SEMA6D: variants seen among roughly 807,000 people sequenced by gnomAD.
SEMA6D encodes semaphorin 6D.
In SEMA6D, 35 loss-of-function variants were observed where a neutral mutation model predicts 106.6. That is an observed-to-expected ratio of 0.33 (90% CI 0.25 to 0.44). The LOEUF (loss-of-function observed/expected upper bound fraction) is 0.44. Among genes scored for constraint, SEMA6D ranks in the 20% least tolerant of loss-of-function variants. SEMA6D has a pLI of 1.00. For missense variants in SEMA6D, 1,185 were observed against 1,345.9 expected (o/e 0.88, Z 1.87); for synonymous variants, 499 against 487.7 (o/e 1.02, Z -0.31).
chr15:47,558,447 T>C (rs1324959039), intron 3 of SEMA6D, among the ~76,000 whole-genome samples: 1 of 152,028 alleles, frequency 6.6e-6, no homozygotes. Flanking sequence ...AAGTGTAGGA[T>C]ACACTGCAAG....
At chr15:47,431,398 T>C (rs1180665769) in intron 2 of SEMA6D, among the ~76,000 whole-genome samples, 1 of 152,152 alleles carries the variant, frequency 6.6e-6, no homozygotes, top group Non-Finnish European at 1.5e-5. Flanking sequence ...TTTCAAACAT[T>C]ACCTGGAGAC....
chr15:47,450,701 G>A (rs1409855301), intron 2 of SEMA6D, among the ~76,000 whole-genome samples: 1 of 152,164 alleles, frequency 6.6e-6, no homozygotes, highest in African/African-American at 2.4e-5. Flanking sequence ...AAGGGAAGGT[G>A]GGAATAGGAC....
chr15:47,443,973 G>A (rs911995800), intron 2 of SEMA6D, among the ~76,000 whole-genome samples: 1 of 152,104 alleles, frequency 6.6e-6, no homozygotes, highest in African/African-American at 2.4e-5. Flanking sequence ...ACAAATTGAT[G>A]ATTTAGAAGA....
At chr15:47,512,655 CA>C (rs1335175381) in intron 3 of SEMA6D, among the ~76,000 whole-genome samples, 4 of 152,094 alleles carry the variant, frequency 2.6e-5, no homozygotes, top group African/African-American at 7.2e-5. Flanking sequence ...GACAGGTTAC[CA>C]AATTGGGGAC....
intron 1 of SEMA6D, among the ~76,000 whole-genome samples, chr15:47,275,693 C>A (rs924849751): frequency 6.6e-6 from 1 of 152,040 alleles, no homozygotes; most frequent in Admixed American, 6.6e-5. Flanking sequence ...TCCCTATTCC[C>A]TGAGACAAAA....
At chr15:47,196,344 A>C (rs976218349) in intron 1 of SEMA6D, among the ~76,000 whole-genome samples, 1 of 152,098 alleles carries the variant, frequency 6.6e-6, no homozygotes, top group African/African-American at 2.4e-5. Flanking sequence ...GGCTGCAGAG[A>C]GGCTTTCTGA....
chr15:47,494,113 G>T (rs1054984124), intron 3 of SEMA6D, among the ~76,000 whole-genome samples: 1 of 152,056 alleles, frequency 6.6e-6, no homozygotes, highest in East Asian at 1.9e-4. Context: ...GTGCTTGCTG[G>T]TTCACGCCTG....
chr15:47,462,723 G>T (rs1419006877), intron 2 of SEMA6D, among the ~76,000 whole-genome samples: 2 of 152,004 alleles, frequency 1.3e-5, no homozygotes, highest in Admixed American at 1.3e-4. Flanking sequence ...TGATTACTCT[G>T]TTCACAATGA....
At chr15:47,234,594 T>C (rs2032421116) in intron 1 of SEMA6D, among the ~76,000 whole-genome samples, 1 of 152,018 alleles carries the variant, frequency 6.6e-6, no homozygotes, top group Non-Finnish European at 1.5e-5. Flanking sequence ...TGAGAACATA[T>C]GGCATTTGAT....
intron 2 of SEMA6D, among the ~76,000 whole-genome samples, chr15:47,460,771 T>G (rs181769758): frequency 6.6e-6 from 1 of 152,158 alleles, no homozygotes; most frequent in Non-Finnish European, 1.5e-5. Context: ...CCAGTTTTGG[T>G]AAATGTTATA....
intron 4 of SEMA6D, among the ~76,000 whole-genome samples, chr15:47,705,763 G>A (rs576084205): frequency 6.6e-6 from 1 of 152,322 alleles, no homozygotes; most frequent in East Asian, 1.9e-4. Context: ...GCTATCAAGA[G>A]GTAAGAGAGA....
chr15:47,343,337 T>C (rs1311426518), intron 1 of SEMA6D, among the ~76,000 whole-genome samples: 1 of 151,782 alleles, frequency 6.6e-6, no homozygotes, highest in Non-Finnish European at 1.5e-5. Context: ...ATATGTGCCA[T>C]GTTGGTGTGC....
At chr15:47,645,114 AGTTG>A (rs1390582143) in intron 4 of SEMA6D, among the ~76,000 whole-genome samples, 1 of 152,140 alleles carries the variant, frequency 6.6e-6, no homozygotes, top group Non-Finnish European at 1.5e-5. Context: ...GTCATCTGAG[AGTTG>A]GTTGGGCTCC....
intron 3 of SEMA6D, among the ~76,000 whole-genome samples, chr15:47,592,086 G>T (rs2076449812): frequency 6.6e-6 from 1 of 152,082 alleles, no homozygotes; most frequent in Non-Finnish European, 1.5e-5. Flanking sequence ...GAGTTTTCCA[G>T]CCCTAATCTA....
chr15:47,528,527 A>G (rs1164556527), intron 3 of SEMA6D, among the ~76,000 whole-genome samples: 1 of 152,176 alleles, frequency 6.6e-6, no homozygotes, highest in African/African-American at 2.4e-5. Context: ...CATTTAGAAG[A>G]CTGGATTTTC....
At chr15:47,634,016 CT>C (rs1219108007) in intron 4 of SEMA6D, among the ~76,000 whole-genome samples, 6 of 151,936 alleles carry the variant, frequency 3.9e-5, no homozygotes, top group Middle Eastern at 3.2e-3. Context: ...AGATTTTTTC[CT>C]TTTTTTATCT....
intron 3 of SEMA6D, among the ~76,000 whole-genome samples, chr15:47,579,452 A>G (rs770838726): frequency 6.6e-6 from 1 of 152,116 alleles, no homozygotes; most frequent in African/African-American, 2.4e-5. Context: ...AGAAATCTGT[A>G]TTCTTAATGA....
intron 9 of SEMA6D, 51 bp from the exon 10 acceptor site, chr15:47,763,794 TTTCCA>T: frequency 6.9e-7 from 1 of 1,457,986 alleles, no homozygotes; most frequent in Non-Finnish European, 9.6e-7. Flanking sequence ...TATCATTTTG[TTTCCA>T]TTCCTTTCCA....
At chr15:47,194,724 TA>T (rs1477815030) in intron 1 of SEMA6D, among the ~76,000 whole-genome samples, 4 of 152,088 alleles carry the variant, frequency 2.6e-5, no homozygotes, top group African/African-American at 4.8e-5. Context: ...AGCCAGTTTT[TA>T]AAATGGTAGT....
Sources: allele counts gnomAD v4.1 joint callset (sites outside exome capture counted in the v4.1 genomes callset), GRCh38; gene constraint gnomAD v4.1.1; transcripts MANE v1.5; gene names NCBI Gene and HGNC (gene_info 2026-07-23, HGNC 2026-07-21).